Variants in THSD7B observed in about 807,000 individuals in gnomAD.
THSD7B encodes thrombospondin type-1 domain-containing protein 7B.
In THSD7B, 138 loss-of-function variants were observed where a neutral mutation model predicts 213.6. That is an observed-to-expected ratio of 0.65 (90% confidence interval 0.56 to 0.74). The LOEUF (loss-of-function observed/expected upper bound fraction) is 0.74, where lower values mean the gene tolerates loss of function less well. THSD7B is among the 30% of genes least tolerant of loss of function. THSD7B has a pLI of 0.00. For missense variants in THSD7B, 1,931 were observed against 1,991.5 expected (o/e 0.97, Z 0.58); for synonymous variants, 742 against 687.0 (o/e 1.08, Z -1.25).
At chr2:137,132,708 T>C (rs1295520617) in intron 5 of THSD7B, among the ~76,000 whole-genome samples, 1 of 152,198 alleles carries the variant, frequency 6.6e-6, no homozygotes, top group Non-Finnish European at 1.5e-5. Context: ...CAAACCTCTC[T>C]CAGACAGTGA....
intron 10 of THSD7B, among the ~76,000 whole-genome samples, chr2:137,247,082 A>G (rs1682058065): frequency 6.6e-6 from 1 of 152,192 alleles, no homozygotes; most frequent in Admixed American, 6.5e-5. Flanking sequence ...ATAGGAGACC[A>G]TTGATAATTG....
At chr2:137,189,708 A>G (rs1680620653) in intron 7 of THSD7B, among the ~76,000 whole-genome samples, 2 of 151,890 alleles carry the variant, frequency 1.3e-5, no homozygotes, top group Admixed American at 1.3e-4. Flanking sequence ...GATTGCTTTT[A>G]AGAACTTAGC....
intron 15 of THSD7B, among the ~76,000 whole-genome samples, chr2:137,555,501 A>C (rs1680941593): frequency 6.6e-6 from 1 of 152,230 alleles, no homozygotes; most frequent in Non-Finnish European, 1.5e-5. Context: ...TAAAAGGAAA[A>C]CTAACAAACA....
intron 17 of THSD7B, among the ~76,000 whole-genome samples, chr2:137,575,484 G>A (rs1246380505): frequency 6.6e-6 from 1 of 151,884 alleles, no homozygotes; most frequent in Non-Finnish European, 1.5e-5. Flanking sequence ...GCATCACAAA[G>A]ATAACTTTGA....
chr2:136,893,939 G>A (rs1683908207), intron 2 of THSD7B, among the ~76,000 whole-genome samples: 1 of 152,040 alleles, frequency 6.6e-6, no homozygotes, highest in Admixed American at 6.6e-5. Context: ...ACCATCTCAG[G>A]CTTTTGTTTC....
intron 5 of THSD7B, among the ~76,000 whole-genome samples, chr2:137,145,958 G>C (rs1402706495): frequency 6.6e-6 from 1 of 151,854 alleles, no homozygotes; most frequent in East Asian, 1.9e-4. Flanking sequence ...CTTCATAGAA[G>C]ACAACTGTAG....
intron 1 of THSD7B, among the ~76,000 whole-genome samples, chr2:136,821,300 A>G (rs1473199950): frequency 6.6e-6 from 1 of 152,216 alleles, no homozygotes; most frequent in Non-Finnish European, 1.5e-5. Context: ...AAAGTTGCCA[A>G]TTAGTGGCTT....
chr2:137,646,057 G>A (rs540018231), intron 21 of THSD7B, among the ~76,000 whole-genome samples: 2 of 152,240 alleles, frequency 1.3e-5, no homozygotes, highest in South Asian at 4.1e-4. Flanking sequence ...TTTCATAACA[G>A]GCATAGAAAT....
At chr2:137,089,641 G>A (rs1392363177) in intron 3 of THSD7B, among the ~76,000 whole-genome samples, 1 of 151,968 alleles carries the variant, frequency 6.6e-6, no homozygotes, top group African/African-American at 2.4e-5. Context: ...TGACACAAAG[G>A]ATTTTGGGGA....
In THSD7B at chr2:137,104,694, A is replaced by C. The variant is rs1688214456; in HGVS notation, c.1199+9573A>C. Among the ~76,000 whole-genome samples the C allele has an allele frequency of 2.0e-5, 3 of 152,196 alleles. No homozygotes were observed. In the South Asian group the frequency reaches 6.2e-4, roughly 31 times the overall value. ...ATAAAGAATAAAAGAGAGAAGAATC[A>C]AATAGACATAATAAAAAATGATAAA... is the stretch of plus-strand genomic sequence containing the variant. On this transcript the variant is annotated intron_variant, in intron 4 of 27. Transcript: ENST00000409968.
intron 17 of THSD7B, among the ~76,000 whole-genome samples, chr2:137,615,589 A>C (rs1349319658): frequency 6.6e-6 from 1 of 152,192 alleles, no homozygotes; most frequent in Admixed American, 6.5e-5. Flanking sequence ...TCACATTTTC[A>C]CATTAATTTT....
chr2:136,832,563 A>G (rs1381044837), intron 1 of THSD7B, among the ~76,000 whole-genome samples: 1 of 152,168 alleles, frequency 6.6e-6, no homozygotes, highest in East Asian at 1.9e-4. Flanking sequence ...ACACTCAGAA[A>G]TCATGTCTAC....
chr2:137,094,855 T>C lies in THSD7B; in HGVS notation c.951-18T>C. The C allele has an allele frequency of 6.2e-7, 1 of 1,606,478 alleles. No homozygotes were observed. The highest frequency in any genetic ancestry group is 2.2e-5 in the East Asian group (1 of 44,678). On this transcript the variant is annotated intron_variant, in intron 3 of 27. Coordinates refer to ENST00000409968, the MANE Select transcript of THSD7B (RefSeq NM_001316349.2). The stretch of plus-strand genomic sequence containing the variant: ...CATTAATATATGGCCTCCTATTTTC[T>C]ACTTCTGTTTTTTTCAGCCTTTGCC...
chr2:137,173,378 T>A (rs1466567563), intron 7 of THSD7B, among the ~76,000 whole-genome samples: 1 of 152,194 alleles, frequency 6.6e-6, no homozygotes, highest in Non-Finnish European at 1.5e-5. Flanking sequence ...CATGCTTTGT[T>A]ATCTCACAGC....
chr2:137,495,536 T>C (rs1292748295), intron 15 of THSD7B, among the ~76,000 whole-genome samples: 1 of 152,136 alleles, frequency 6.6e-6, no homozygotes, highest in Non-Finnish European at 1.5e-5. Flanking sequence ...TAAAATTTCA[T>C]CGCCCCAAGG....
chr2:136,811,532 T>G (rs1459712257), intron 1 of THSD7B, among the ~76,000 whole-genome samples: 1 of 152,164 alleles, frequency 6.6e-6, no homozygotes, highest in East Asian at 1.9e-4. Context: ...TTATTTATCA[T>G]GAAAATTTCT....
chr2:137,018,866 T>G (rs1303474429), intron 2 of THSD7B, among the ~76,000 whole-genome samples: 1 of 152,186 alleles, frequency 6.6e-6, no homozygotes, highest in Non-Finnish European at 1.5e-5. Flanking sequence ...ATTGGCAGTT[T>G]CCTCTTGTTT....
intron 12 of THSD7B, among the ~76,000 whole-genome samples, chr2:137,400,785 C>A (rs1333512011): frequency 1.3e-5 from 2 of 152,138 alleles, no homozygotes; most frequent in African/African-American, 4.8e-5. Context: ...GGGAGAAGTG[C>A]TCGGATGTCT....
chr2:137,647,921 A>C (rs2104867646), intron 21 of THSD7B, among the ~76,000 whole-genome samples: 1 of 152,214 alleles, frequency 6.6e-6, no homozygotes, highest in Admixed American at 6.5e-5. Flanking sequence ...ATTGCTTCTT[A>C]GTGTGAAAGT....
Sources: gnomAD v4.1 joint callset for allele counts (sites outside exome capture counted in the v4.1 genomes callset) on GRCh38, gnomAD v4.1.1 for gene constraint, MANE v1.5 for transcripts, NCBI Gene and HGNC (gene_info 2026-07-23, HGNC 2026-07-21) for gene names.